Variants in BBX observed in about 807,000 individuals in gnomAD.
The protein encoded by BBX is BBX high mobility group box domain containing.
In BBX, 30 loss-of-function variants were observed where a neutral mutation model predicts 100.2. That is an observed-to-expected ratio of 0.30 (90% CI 0.22 to 0.41). The LOEUF is 0.41. BBX is among the 10% of genes least tolerant of loss of function. BBX has a pLI of 1.00. For synonymous variants in BBX, 376 were observed against 388.1 expected (o/e 0.97, Z 0.37); for missense variants, 1,023 against 1,129.8 (o/e 0.91, Z 1.35).
chr3:107,712,835 G>C (rs1187235219), intron 4 of BBX, among the ~76,000 whole-genome samples: 2 of 152,186 alleles, frequency 1.3e-5, no homozygotes, highest in Non-Finnish European at 2.9e-5. Context: ...ACAGCACCTA[G>C]AAGAGTGGCT....
Position 107,772,957 on chromosome 3 carries a change from T to C in BBX, c.1236T>C (p.Ser412=), listed in dbSNP as rs113054196. The C allele has an allele frequency of 1.9e-6, 3 of 1,612,962 alleles. No individual in the cohort carries two copies. The highest frequency in any genetic ancestry group is 2.5e-6 in the Non-Finnish European group (3 of 1,179,748). The stretch of plus-strand genomic sequence containing the variant: ...GTCATTTTCCTGATTTTTCTTATTC[T>C]GCCAGTAGCAAGATAATAATTAGTG... The part of the protein sequence containing the change: ...KCSHFPDFSY[S]ASSKIIISDV... Residue 412 remains serine, a synonymous_variant, in exon 11 of 18, where the codon TCT becomes TCC. Transcript: ENST00000325805.
chr3:107,724,488 T>C (rs2062774071), intron 5 of BBX, among the ~76,000 whole-genome samples: 1 of 152,220 alleles, frequency 6.6e-6, no homozygotes, highest in Non-Finnish European at 1.5e-5. Context: ...TGCCCATGCC[T>C]ATGTCCTGAA....
intron 3 of BBX, among the ~76,000 whole-genome samples, chr3:107,687,041 A>G (rs568402696): frequency 8.8e-4 from 134 of 152,346 alleles, no homozygotes; most frequent in African/African-American, 3.0e-3. Flanking sequence ...ATGTTTTTCA[A>G]TATACTTTCT....
At chr3:107,583,513 A>G (rs568666787) in intron 2 of BBX, among the ~76,000 whole-genome samples, 23 of 152,038 alleles carry the variant, frequency 1.5e-4, no homozygotes, top group Middle Eastern at 3.4e-3. Flanking sequence ...GTTGTATGTG[A>G]TATTTTGATA....
chr3:107,588,622 T>C (rs1355421178), intron 2 of BBX, among the ~76,000 whole-genome samples: 1 of 152,176 alleles, frequency 6.6e-6, no homozygotes, highest in Admixed American at 6.5e-5. Context: ...AACTCCTGTG[T>C]GCCTGAATTT....
intron 2 of BBX, among the ~76,000 whole-genome samples, chr3:107,563,524 A>G (rs1360641324): frequency 1.3e-5 from 2 of 152,232 alleles, no homozygotes; most frequent in African/African-American, 2.4e-5. Flanking sequence ...TAAAACTTCT[A>G]TAGAGAAAAT....
At chr3:107,691,509 A>G (rs1406951118) in intron 3 of BBX, among the ~76,000 whole-genome samples, 1 of 152,218 alleles carries the variant, frequency 6.6e-6, no homozygotes, top group Admixed American at 6.5e-5. Flanking sequence ...TTTGTATCAT[A>G]TATATTAAAT....
At chr3:107,675,175 A>G (rs1286580276) in intron 3 of BBX, among the ~76,000 whole-genome samples, 1 of 152,192 alleles carries the variant, frequency 6.6e-6, no homozygotes, top group Non-Finnish European at 1.5e-5. Context: ...GAGACTGGAA[A>G]GGGTTCAGAG....
rs577732557 is a variant in BBX, at chr3:107,721,828, C to T, written c.405+4979C>T. 2.0e-5 allele frequency among the ~76,000 whole-genome samples: 3 copies of T among 151,986 alleles called. No individual in the cohort carries two copies. The East Asian group carries it at 5.8e-4, about 29-fold the overall frequency. On this transcript the variant is annotated intron_variant, in intron 5 of 17. Coordinates refer to ENST00000325805, the MANE Select transcript of BBX (RefSeq NM_001142568.3). The stretch of plus-strand genomic sequence containing the variant: ...TAAAATGGCAATTAAGATGCCTGCC[C>T]TCACAGAGTTTATGTAAGATACAAA...
chr3:107,609,711 C>A (rs767180682), intron 2 of BBX, among the ~76,000 whole-genome samples: 1 of 151,676 alleles, frequency 6.6e-6, no homozygotes, highest in African/African-American at 2.4e-5. Context: ...TGAATTTCTG[C>A]GGTGTTGGTT....
chr3:107,653,110 A>ACTT (rs2057940036), intron 3 of BBX, among the ~76,000 whole-genome samples: 1 of 152,144 alleles, frequency 6.6e-6, no homozygotes, highest in Non-Finnish European at 1.5e-5. Context: ...TTTTTCCCAG[A>ACTT]CTTCGTTCAG....
intron 13 of BBX, among the ~76,000 whole-genome samples, chr3:107,780,686 A>G (rs1200050288): frequency 3.9e-5 from 6 of 152,072 alleles, no homozygotes; most frequent in African/African-American, 1.4e-4. Flanking sequence ...ATTAAATAAT[A>G]TATTATCTAT....
chr3:107,770,838 T>G (rs1421495977), intron 10 of BBX, among the ~76,000 whole-genome samples: 1 of 152,142 alleles, frequency 6.6e-6, no homozygotes, highest in African/African-American at 2.4e-5. Context: ...CATAACATAA[T>G]TCTCACAGGA....
Position 107,805,609 on chromosome 3 carries a change from A to G in BBX, c.*152A>G, listed in dbSNP as rs2108072539. 3 of 1,439,012 alleles carry G rather than the reference A, an allele frequency of 2.1e-6. No homozygotes were observed. The highest frequency in any genetic ancestry group is 2.8e-6 in the Non-Finnish European group (3 of 1,063,806). 89.1% of individuals were successfully genotyped at this position (1,439,012 alleles called of 1,614,324 possible). A position where few individuals can be genotyped will look rare whatever the true frequency, so the allele number is the denominator to read the frequency against. ...CCCAGATTCACTTGAAGCAGAAGTTAGCATCCTGGGCCAGTTTGTTCTCTC... is the reference window on the plus strand; with the variant it reads ...CCCAGATTCACTTGAAGCAGAAGTTGGCATCCTGGGCCAGTTTGTTCTCTC... On this transcript the variant is annotated 3_prime_UTR_variant, in exon 18 of 18. Transcript: ENST00000325805.
At position 107,775,727 on chromosome 3, in the gene BBX, T is replaced by C. The variant is rs1482411045; in HGVS notation, c.2054+870T>C. Among the ~76,000 whole-genome samples, 4 of 152,174 alleles carry C rather than the reference T, an allele frequency of 2.6e-5. No homozygotes were observed. The East Asian group carries it at 7.7e-4, about 29-fold the overall frequency. On this transcript the variant is annotated intron_variant, in intron 12 of 17. Transcript: ENST00000325805. Reference sequence around the variant, plus strand: ...TTCATAATATTTGCATATCTCTTTGTGGAATAATATATTTTTCCTTAGATG... The same window carrying C: ...TTCATAATATTTGCATATCTCTTTGCGGAATAATATATTTTTCCTTAGATG...
At chr3:107,787,619 GA>G (rs2068573853) in intron 13 of BBX, among the ~76,000 whole-genome samples, 1 of 152,152 alleles carries the variant, frequency 6.6e-6, no homozygotes, top group African/African-American at 2.4e-5. Flanking sequence ...TTAAATGGGT[GA>G]ATTGTATGGT....
At chr3:107,583,938 T>G (rs1405561253) in intron 2 of BBX, among the ~76,000 whole-genome samples, 9 of 100,294 alleles carry the variant, frequency 9.0e-5, no homozygotes, top group African/African-American at 3.9e-4. Flanking sequence ...AATATATATA[T>G]TATATATATT....
chr3:107,541,742 A>G (rs979072724), intron 2 of BBX, among the ~76,000 whole-genome samples: 3 of 151,802 alleles, frequency 2.0e-5, no homozygotes, highest in Non-Finnish European at 4.4e-5. Flanking sequence ...TACCTGAGCT[A>G]CTCCTATTTC....
At chr3:107,626,461 C>T (rs2056181515) in intron 2 of BBX, among the ~76,000 whole-genome samples, 1 of 152,134 alleles carries the variant, frequency 6.6e-6, no homozygotes, top group Non-Finnish European at 1.5e-5. Flanking sequence ...TTAGGAGTCA[C>T]TTAGCTGTGT....
Sources: gnomAD v4.1 joint callset for allele counts (sites outside exome capture counted in the v4.1 genomes callset) on GRCh38, gnomAD v4.1.1 for gene constraint, MANE v1.5 for transcripts, NCBI Gene and HGNC (gene_info 2026-07-23, HGNC 2026-07-21) for gene names.